TNNC2: variants seen among roughly 807,000 people sequenced by gnomAD.
The protein encoded by TNNC2 is troponin C, skeletal muscle.
A neutral mutation model predicts 20.0 loss-of-function variants in TNNC2; 14 were observed. The ratio of observed to expected loss-of-function variants is 0.70; its 90% CI spans 0.46 to 1.09. TNNC2 has a LOEUF of 1.09. Among genes scored for constraint, TNNC2 ranks in the 50% least tolerant of loss-of-function variants. TNNC2 has a pLI of 0.00. For synonymous variants in TNNC2, 81 were observed against 77.3 expected (o/e 1.05, Z -0.25); for missense variants, 163 against 223.8 (o/e 0.73, Z 1.73).
chr20:45,829,160 GTTTTTTT>G (rs57079984), upstream of TNNC2, among the ~76,000 whole-genome samples: 7 of 98,282 alleles, frequency 7.1e-5, no homozygotes, highest in African/African-American at 2.5e-4. Context: ...TTTGTTTTTG[GTTTTTTT>G]TTTTTTTTTT....
rs1982870468 is a variant in TNNC2 at position 45,823,696 on chromosome 20, T to C, written c.451+295A>G. Among the ~76,000 whole-genome samples, 1 of 152,086 alleles carries C rather than the reference T, an allele frequency of 6.6e-6. No homozygotes were observed. The highest frequency in any genetic ancestry group is 6.6e-5 in the Admixed American group (1 of 15,266). On this transcript the variant is annotated intron_variant, in intron 5 of 5. Transcript: ENST00000372555. The surrounding 1 kb of genome is among the most constrained non-coding windows in gnomAD (Gnocchi z 4.6). ...TTTGTAAAGACAGGGTCTCACTATG[T>C]TGCCCAGGCTGGTCTCGAACTCTTG... is the stretch of plus-strand genomic sequence containing the variant.
chr20:45,824,237 C>T, intron 4 of TNNC2, 55 bp downstream of exon 4: 4 of 1,601,974 alleles, frequency 2.5e-6, no homozygotes, highest in Non-Finnish European at 3.4e-6. Context: ...TCCAGCGCTG[C>T]CGGCCGGGTT....
In TNNC2 at chr20:45,823,311, G is replaced by C. The variant is rs1601053556; in HGVS notation, c.*37C>G. 1 of 1,564,878 alleles carries C rather than the reference G, an allele frequency of 6.4e-7. No individual in the cohort carries two copies. The highest frequency in any genetic ancestry group is 2.3e-5 in the East Asian group (1 of 42,776). ...GCAGGGCGGAGTCTCCCACACCCTA[G>C]GGACACGCGATCTTGGTAGAGGCGA... On this transcript the variant is annotated 3_prime_UTR_variant, in exon 6 of 6. Coordinates refer to ENST00000372555, the MANE Select transcript of TNNC2 (RefSeq NM_003279.3). This position sits in a 1 kb window ranked among gnomAD's most constrained non-coding sequence, Gnocchi z 4.6.
Position 45,823,625 on chromosome 20 carries a change from G to A in TNNC2, c.452-246C>T, listed in dbSNP as rs1982867995. 6.6e-6 allele frequency among the ~76,000 whole-genome samples: 1 copy of A among 152,040 alleles called. No homozygotes were observed. The highest frequency in any genetic ancestry group is 2.4e-5 in the African/African-American group (1 of 41,386). The stretch of plus-strand genomic sequence containing the variant: ...TTACCTCAGCCCCCGGAGCAACTGG[G>A]ACCACAGGTGTGCCACCACACCTGC... On this transcript the variant is annotated intron_variant, in intron 5 of 5. Transcript: ENST00000372555. The surrounding 1 kb of genome is among the most constrained non-coding windows in gnomAD (Gnocchi z 4.6).
Position 45,827,298 on chromosome 20 carries a change from C to A in TNNC2, c.-50G>T. 2.5e-6 allele frequency: 4 copies of A among 1,613,778 alleles called. No homozygotes were observed. Among genetic ancestry groups the A allele is most frequent in the Non-Finnish European group, 3.4e-6 (4 of 1,179,800 alleles). On this transcript the variant is annotated 5_prime_UTR_variant, in exon 1 of 6. Transcript: ENST00000372555. ...TGTTGCAGGTCGCCTCCTTTGCACT[C>A]CACCACCCAAAGATGACCTGGCCTG...
At chr20:45,830,266 G>A (rs1181999540), upstream of TNNC2, among the ~76,000 whole-genome samples, 1 of 149,610 alleles carries the variant, frequency 6.7e-6, no homozygotes, top group Non-Finnish European at 1.5e-5. Flanking sequence ...AACCTGGCAG[G>A]CGAAGGTTGC....
chr20:45,827,107 A>G, intron 1 of TNNC2, 139 bp downstream of exon 1: 1 of 1,089,866 alleles, frequency 9.2e-7, no homozygotes, highest in Non-Finnish European at 1.4e-6. Context: ...GCCTTCCTCC[A>G]AGACACCTGG....
At chr20:45,830,042 A>T (rs1200053719), upstream of TNNC2, among the ~76,000 whole-genome samples, 2 of 151,706 alleles carry the variant, frequency 1.3e-5, no homozygotes, top group Non-Finnish European at 2.9e-5. Context: ...AGACTTTAAA[A>T]TACTGCTCTA....
Position 45,824,133 on chromosome 20 carries a change from G to T in TNNC2, c.315-6C>A. On this transcript the variant is annotated splice_region_variant and splice_polypyrimidine_tract_variant and intron_variant, in intron 4 of 5. Coordinates refer to ENST00000372555, the MANE Select transcript of TNNC2 (RefSeq NM_003279.3). Reference sequence around the variant, plus strand: ...CGATGTAGCCGTCTGCATTCCTTCAGGTCCGAGGGACAGGGCAGGGCTCAG... The same window carrying T: ...CGATGTAGCCGTCTGCATTCCTTCATGTCCGAGGGACAGGGCAGGGCTCAG... 1 of 1,613,520 alleles carries T rather than the reference G, an allele frequency of 6.2e-7. No homozygotes were observed. The highest frequency in any genetic ancestry group is 8.5e-7 in the Non-Finnish European group (1 of 1,179,906).
In TNNC2 at chr20:45,824,647, G is replaced by T; in HGVS notation, c.56-9C>A. On this transcript the variant is annotated splice_polypyrimidine_tract_variant and intron_variant, in intron 2 of 5. Transcript: ENST00000372555. ...AAAGGCAGCCTTGAACTCTGCGAGG[G>T]AGGGCAGAGGGCAGAGGTGAGGCCT... 6.2e-7 allele frequency: 1 copy of T among 1,607,296 alleles called. No individual in the cohort carries two copies. Among genetic ancestry groups the T allele is most frequent in the South Asian group, 1.1e-5 (1 of 90,970 alleles).
intron 1 of TNNC2, 100 bp from the exon 2 acceptor site, chr20:45,824,934 TG>T: frequency 7.6e-7 from 1 of 1,318,132 alleles, no homozygotes; most frequent in Non-Finnish European, 1.1e-6. Flanking sequence ...TCAGCGCCCT[TG>T]GTTCTCCAGA....
At chr20:45,830,099 T>C (rs553678764), upstream of TNNC2, among the ~76,000 whole-genome samples, 371 of 150,900 alleles carry the variant, frequency 2.5e-3, no homozygotes, top group Non-Finnish European at 4.8e-3. Flanking sequence ...TTTTGGGAGG[T>C]GCAGGCTGGC....
chr20:45,827,949 C>T (rs189539868), upstream of TNNC2, among the ~76,000 whole-genome samples: 18 of 152,326 alleles, frequency 1.2e-4, no homozygotes, highest in East Asian at 3.9e-4. Context: ...AACCCCATGA[C>T]GTGCCACACA....
At chr20:45,830,775 A>G (rs372811012), upstream of TNNC2, among the ~76,000 whole-genome samples, 31 of 152,336 alleles carry the variant, frequency 2.0e-4, no homozygotes, top group African/African-American at 7.5e-4. Flanking sequence ...TCAGGAGGTA[A>G]TGAGCTCCGT....
chr20:45,832,848 C>T (rs1983156860), intron 2 of TNNC2, among the ~76,000 whole-genome samples: 1 of 152,206 alleles, frequency 6.6e-6, no homozygotes, highest in African/African-American at 2.4e-5. Flanking sequence ...AGGAAAAGGG[C>T]AGTATGCAGC....
intron 1 of TNNC2, 63 bp from the exon 2 acceptor site, chr20:45,824,897 A>G: frequency 3.2e-6 from 5 of 1,585,414 alleles, no homozygotes. Flanking sequence ...CCTCACCTCA[A>G]AGCCATTCTT....
chr20:45,823,327 G>T lies in TNNC2; in HGVS notation c.*21C>A. On this transcript the variant is annotated 3_prime_UTR_variant, in exon 6 of 6. Coordinates refer to ENST00000372555, the MANE Select transcript of TNNC2 (RefSeq NM_003279.3). The surrounding 1 kb of genome is among the most constrained non-coding windows in gnomAD (Gnocchi z 4.6). ...CACACCCTAGGGACACGCGATCTTG[G>T]TAGAGGCGACTGTCCACTCCTTACT... The T allele has an allele frequency of 6.3e-7, 1 of 1,577,326 alleles. No homozygotes were observed.
At chr20:45,829,290 G>C (rs1451534149), upstream of TNNC2, among the ~76,000 whole-genome samples, 1 of 148,964 alleles carries the variant, frequency 6.7e-6, no homozygotes, top group Non-Finnish European at 1.5e-5. Flanking sequence ...TCAGCCTCCC[G>C]AGTAGCCGGA....
At chr20:45,827,098 C>T in intron 1 of TNNC2, 148 bp downstream of exon 1, 1 of 942,398 alleles carries the variant, frequency 1.1e-6, no homozygotes, top group Non-Finnish European at 1.7e-6. Flanking sequence ...AAGTCAAAGG[C>T]CTTCCTCCAA....
Sources: allele counts gnomAD v4.1 joint callset (sites outside exome capture counted in the v4.1 genomes callset), GRCh38; gene constraint gnomAD v4.1.1; non-coding constraint Gnocchi (gnomAD v3.1); transcripts MANE v1.5; gene names NCBI Gene and HGNC (gene_info 2026-07-23, HGNC 2026-07-21).